CA8: variants seen among roughly 807,000 people sequenced by gnomAD.
The protein encoded by CA8 is carbonic anhydrase 8 (inactive).
A neutral mutation model predicts 41.4 loss-of-function variants in CA8; 22 were observed. The ratio of observed to expected loss-of-function variants is 0.53; its 90% CI spans 0.38 to 0.76. The LOEUF (loss-of-function observed/expected upper bound fraction) is 0.76, where lower values mean the gene tolerates loss of function less well. Ranked by LOEUF, CA8 falls within the 30% of genes least tolerant of loss-of-function variation. The probability of loss-of-function intolerance (pLI) is 0.00; values close to 1 mark genes in which losing one functional copy is unlikely to be tolerated. For synonymous variants in CA8, 121 were observed against 130.6 expected (o/e 0.93, Z 0.50); for missense variants, 270 against 352.8 (o/e 0.77, Z 1.88).
intron 2 of CA8, 102 bp from the exon 3 acceptor site, chr8:60,266,151 TC>T (rs1381932325): frequency 3.1e-5 from 34 of 1,084,414 alleles, no homozygotes; most frequent in Non-Finnish European, 4.4e-5. Context: ...TCTCATGGGC[TC>T]TACAGATTAA....
At chr8:60,221,112 C>T (rs1439579707) in intron 7 of CA8, among the ~76,000 whole-genome samples, 1 of 152,154 alleles carries the variant, frequency 6.6e-6, no homozygotes, top group Non-Finnish European at 1.5e-5. Context: ...GCTGTTAAGT[C>T]CCAAATCTAG....
At chr8:60,191,273 C>T (rs1179927834) in intron 8 of CA8, among the ~76,000 whole-genome samples, 1 of 151,808 alleles carries the variant, frequency 6.6e-6, no homozygotes, top group African/African-American at 2.4e-5. Flanking sequence ...ATGTGTATTA[C>T]CTCACATAGT....
chr8:60,270,331 C>A (rs943526484), intron 2 of CA8, among the ~76,000 whole-genome samples: 7 of 152,126 alleles, frequency 4.6e-5, no homozygotes, highest in Non-Finnish European at 8.8e-5. Context: ...ACAGAGGAAA[C>A]CCCACACCAG....
At chr8:60,264,272 C>T (rs919375377) in intron 3 of CA8, among the ~76,000 whole-genome samples, 1 of 152,214 alleles carries the variant, frequency 6.6e-6, no homozygotes, top group African/African-American at 2.4e-5. Context: ...CAGAAGTTCT[C>T]GCCTCCCCAT....
chr8:60,231,401 G>A (rs1007914574), intron 4 of CA8, among the ~76,000 whole-genome samples: 1 of 152,108 alleles, frequency 6.6e-6, no homozygotes, highest in East Asian at 1.9e-4. Flanking sequence ...TAGGAGATAT[G>A]TATTAAAAAT....
intron 7 of CA8, among the ~76,000 whole-genome samples, chr8:60,212,705 T>C (rs971274627): frequency 2.0e-5 from 3 of 152,160 alleles, no homozygotes; most frequent in Non-Finnish European, 4.4e-5. Context: ...GATAAATAAG[T>C]CCTCGAGGTC....
At chr8:60,199,728 G>C (rs1184633496) in intron 8 of CA8, among the ~76,000 whole-genome samples, 2 of 151,884 alleles carry the variant, frequency 1.3e-5, no homozygotes, top group East Asian at 1.9e-4. Context: ...GCATTATCTA[G>C]TACTGGGCAT....
At chr8:60,276,367 G>A (rs935794383) in intron 2 of CA8, among the ~76,000 whole-genome samples, 8 of 152,162 alleles carry the variant, frequency 5.3e-5, no homozygotes, top group Admixed American at 5.2e-4. Context: ...AGGACAAGGA[G>A]GAGCGAGGGA....
At chr8:60,190,924 T>TGCAC (rs1806102271) in intron 8 of CA8, among the ~76,000 whole-genome samples, 1 of 94,520 alleles carries the variant, frequency 1.1e-5, no homozygotes, top group African/African-American at 4.2e-5. Context: ...TGGACACACC[T>TGCAC]GCACACACAC....
rs941415829 is a variant in CA8, at chr8:60,187,700, G to C, written c.*2321C>G. 7.2e-5 allele frequency: 11 copies of C among 152,176 alleles called. No homozygotes were observed. Among genetic ancestry groups the C allele is most frequent in the African/African-American group, 2.7e-4 (11 of 41,458 alleles). 9.4% of individuals were successfully genotyped at this position (152,176 alleles called of 1,614,324 possible). ...CAGGTACGTTAGTTACCATGAATCA[G>C]AGGCACTTACATGTGTATAAGCTAC... is the stretch of plus-strand genomic sequence containing the variant. On this transcript the variant is annotated 3_prime_UTR_variant, in exon 9 of 9. Transcript: ENST00000317995.
At chr8:60,269,621 A>G (rs1804005755) in intron 2 of CA8, among the ~76,000 whole-genome samples, 1 of 152,214 alleles carries the variant, frequency 6.6e-6, no homozygotes, top group African/African-American at 2.4e-5. Flanking sequence ...CTAAGCTTCT[A>G]CAATCCTTTG....
chr8:60,281,202 G>T lies in CA8; in HGVS notation c.-55C>A. ...CGGCAGCAGTGCCTGCGCCTTCGCT[G>T]GGCGCGGGGCTGGAGCCGGAGCGGA... On this transcript the variant is annotated 5_prime_UTR_variant, in exon 1 of 9. Transcript: ENST00000317995. The T allele has an allele frequency of 4.0e-6, 5 of 1,255,128 alleles. No individual in the cohort carries two copies. The highest frequency in any genetic ancestry group is 5.6e-6 in the Non-Finnish European group (5 of 888,306). 77.7% of individuals were successfully genotyped at this position (1,255,128 alleles called of 1,614,324 possible).
chr8:60,193,521 C>A (rs1256576197), intron 8 of CA8, among the ~76,000 whole-genome samples: 1 of 152,164 alleles, frequency 6.6e-6, no homozygotes, highest in Non-Finnish European at 1.5e-5. Context: ...GCTTTGATAT[C>A]TATAAATGAC....
In CA8 at chr8:60,275,570, T is replaced by C. The variant is rs528230485; in HGVS notation, c.292+4119A>G. 8.6e-4 allele frequency among the ~76,000 whole-genome samples: 128 copies of C among 149,486 alleles called. 1 individual carries two copies. Among genetic ancestry groups the C allele is most frequent in the African/African-American group, 2.9e-3 (119 of 40,716 alleles). On this transcript the variant is annotated intron_variant, in intron 2 of 8. Transcript: ENST00000317995. ...AATCAAAAGACTAAACGATTAAAAATTGAGGAAATCTACTAGAAAGTAGAA... is the reference window on the plus strand; with the variant it reads ...AATCAAAAGACTAAACGATTAAAAACTGAGGAAATCTACTAGAAAGTAGAA...
chr8:60,212,936 T>A (rs563135882), intron 7 of CA8, among the ~76,000 whole-genome samples: 2 of 152,082 alleles, frequency 1.3e-5, no homozygotes, highest in South Asian at 4.1e-4. Context: ...ATAACAAGAG[T>A]CAGAATAACA....
intron 3 of CA8, among the ~76,000 whole-genome samples, chr8:60,253,640 T>A (rs1003777129): frequency 2.6e-5 from 4 of 152,032 alleles, no homozygotes; most frequent in African/African-American, 9.7e-5. Context: ...CAGGAAGGAG[T>A]TAGGCCCTCC....
At chr8:60,266,172 G>T in intron 2 of CA8, 123 bp from the exon 3 acceptor site, 2 of 864,318 alleles carry the variant, frequency 2.3e-6, no homozygotes, top group Non-Finnish European at 3.5e-6. Flanking sequence ...AATTCACAAA[G>T]CCAAAATGAG....
intron 3 of CA8, among the ~76,000 whole-genome samples, chr8:60,246,330 T>TC (rs906672281): frequency 6.6e-6 from 1 of 152,228 alleles, no homozygotes; most frequent in Non-Finnish European, 1.5e-5. Flanking sequence ...TCTTACTCTG[T>TC]TGCTCAGGCC....
rs76896050 is a variant in CA8 at position 60,241,923 on chromosome 8, T to G, written c.418-9544A>C. Reference sequence around the variant, plus strand: ...TCATTCTATACAGTGAATCAGTGACTAATGGCTGCAATCCTCTCCCTGCTC... The same window carrying G: ...TCATTCTATACAGTGAATCAGTGACGAATGGCTGCAATCCTCTCCCTGCTC... On this transcript the variant is annotated intron_variant, in intron 3 of 8. Transcript: ENST00000317995. Among the ~76,000 whole-genome samples the G allele has an allele frequency of 3.0e-3, 464 of 152,314 alleles. 14 individuals carry two copies. The East Asian group carries it at 0.081, about 26-fold the overall frequency.
Sources: allele counts gnomAD v4.1 joint callset (sites outside exome capture counted in the v4.1 genomes callset), GRCh38; gene constraint gnomAD v4.1.1; transcripts MANE v1.5; gene names NCBI Gene and HGNC (gene_info 2026-07-23, HGNC 2026-07-21).